SELENOI: variants seen among roughly 807,000 people sequenced by gnomAD.
The protein encoded by SELENOI is ethanolaminephosphotransferase 1.
Under a neutral mutation model 50.7 loss-of-function variants are expected in SELENOI, and 24 were observed. The observed-to-expected ratio is 0.47, with a 90% CI of 0.34 to 0.67. The LOEUF is 0.67. Ranked by LOEUF, SELENOI falls within the 30% of genes least tolerant of loss-of-function variation. The pLI, the probability that SELENOI is intolerant of heterozygous loss-of-function variation, is 0.01. For missense variants in SELENOI, 352 were observed against 461.4 expected, an observed-to-expected ratio of 0.76 and a Z score of 2.17; for synonymous variants, 155 against 170.2, an observed-to-expected ratio of 0.91 and a Z score of 0.70.
At chr2:26,348,510 C>G (rs1158488984) in intron 1 of SELENOI, among the ~76,000 whole-genome samples, 1 of 152,194 alleles carries the variant, frequency 6.6e-6, no homozygotes, top group Non-Finnish European at 1.5e-5. Flanking sequence ...AAGCAGGAAA[C>G]TATAAGACAA....
chr2:26,381,618 T>C (rs1658052027), intron 6 of SELENOI, among the ~76,000 whole-genome samples: 1 of 152,224 alleles, frequency 6.6e-6, no homozygotes, highest in African/African-American at 2.4e-5. Flanking sequence ...CATTAATTCA[T>C]TTAGCCTTGG....
intron 6 of SELENOI, among the ~76,000 whole-genome samples, chr2:26,375,385 C>A (rs1039360037): frequency 6.6e-6 from 1 of 152,150 alleles, no homozygotes; most frequent in African/African-American, 2.4e-5. Context: ...CAAAATAGAT[C>A]ACATAAGCCT....
At chr2:26,369,346 T>C (rs1677359167) in intron 4 of SELENOI, among the ~76,000 whole-genome samples, 1 of 152,214 alleles carries the variant, frequency 6.6e-6, no homozygotes, top group South Asian at 2.1e-4. Context: ...CATGTGGATA[T>C]CTCACTAACA....
chr2:26,346,311 C>A, intron 1 of SELENOI, 22 bp downstream of exon 1: 1 of 1,601,268 alleles, frequency 6.2e-7, no homozygotes, highest in Non-Finnish European at 8.5e-7. Flanking sequence ...CGGCGGATGC[C>A]CCTCTCCCTG....
chr2:26,357,328 G>A (rs1004535014), intron 1 of SELENOI, among the ~76,000 whole-genome samples: 3 of 152,060 alleles, frequency 2.0e-5, no homozygotes, highest in African/African-American at 7.2e-5. Context: ...CAGCTTAAAT[G>A]TCGCCTTCTA....
intron 6 of SELENOI, among the ~76,000 whole-genome samples, chr2:26,375,928 G>A (rs904924128): frequency 6.6e-6 from 1 of 151,982 alleles, no homozygotes; most frequent in Non-Finnish European, 1.5e-5. Flanking sequence ...GCAACATAGT[G>A]AAACCCTGTC....
At chr2:26,347,329 C>T (rs1049719527) in intron 1 of SELENOI, among the ~76,000 whole-genome samples, 2 of 151,992 alleles carry the variant, frequency 1.3e-5, no homozygotes, top group African/African-American at 4.8e-5. Flanking sequence ...TCTTGTGGAC[C>T]ATCATGGCTT....
In SELENOI at chr2:26,383,309, ATG is replaced by A; in HGVS notation, c.698_699del (p.Val233AspfsTer14). 1 of 1,537,786 alleles carries A rather than the reference ATG, an allele frequency of 6.5e-7. No homozygotes were observed. The highest frequency in any genetic ancestry group is 8.8e-7 in the Non-Finnish European group (1 of 1,131,858). On this transcript the variant is annotated frameshift_variant, in exon 7 of 10. Coordinates refer to ENST00000260585, the MANE Select transcript of SELENOI (RefSeq NM_033505.4). LOFTEE classifies it high-confidence loss of function. ...FTAMIIGCAL[C>X]VTLPMSLLNF... ...AATTATTCCCTTTAGGTTGTGCATTATGTGTGACTCTTCCAATGAGTTTATTA... is the reference window on the plus strand; with the variant it reads ...AATTATTCCCTTTAGGTTGTGCATTATGTGACTCTTCCAATGAGTTTATTA...
chr2:26,367,433 A>G (rs1404486120), intron 4 of SELENOI, among the ~76,000 whole-genome samples: 2 of 152,218 alleles, frequency 1.3e-5, no homozygotes, highest in African/African-American at 4.8e-5. Context: ...GAGTTGGTAA[A>G]CTACTACTTG....
At chr2:26,346,374 C>T in intron 1 of SELENOI, 85 bp downstream of exon 1, 3 of 1,425,148 alleles carry the variant, frequency 2.1e-6, no homozygotes, top group Non-Finnish European at 2.8e-6. Context: ...GTCCGTGTCA[C>T]CTTGTGCCGC....
intron 9 of SELENOI, among the ~76,000 whole-genome samples, chr2:26,388,067 TAAG>T (rs1378000795): frequency 6.6e-6 from 1 of 152,188 alleles, no homozygotes; most frequent in African/African-American, 2.4e-5. Flanking sequence ...ATACAATTGT[TAAG>T]GAGAAAAAAG....
At chr2:26,386,110 A>G (rs1220923221) in intron 8 of SELENOI, among the ~76,000 whole-genome samples, 1 of 152,038 alleles carries the variant, frequency 6.6e-6, no homozygotes, top group East Asian at 1.9e-4. Flanking sequence ...TGCCTTCTAT[A>G]GCATCCTTAT....
chr2:26,348,996 C>CTTTTTTTTTTTTTTTTT (rs869073468), intron 1 of SELENOI, among the ~76,000 whole-genome samples: 4 of 57,690 alleles, frequency 6.9e-5, no homozygotes, highest in Non-Finnish European at 1.1e-4. Context: ...TTTGGACAGG[C>CTTTTTTTTTTTTTTTTT]TTTTTTTTTT....
At chr2:26,350,478 C>A (rs6725613) in intron 1 of SELENOI, among the ~76,000 whole-genome samples, 59,853 of 151,950 alleles carry the variant, frequency 0.39, 13,241 homozygotes, top group Non-Finnish European at 0.51. Context: ...CTTGGCCTCA[C>A]AAAGTGCTGG....
In SELENOI at chr2:26,390,876, T is replaced by A. The variant is rs1358960804; in HGVS notation, c.*1773T>A. 2.0e-5 allele frequency: 3 copies of A among 152,208 alleles called. No homozygotes were observed. Among genetic ancestry groups the A allele is most frequent in the African/African-American group, 7.2e-5 (3 of 41,462 alleles). The allele number at this position is 152,208 out of a possible 1,614,324, so 9.4% of individuals were successfully genotyped here. On this transcript the variant is annotated 3_prime_UTR_variant, in exon 10 of 10. Transcript: ENST00000260585. ...CTATAAAATTAAACTGGATAAAATG[T>A]TAATTGGGGGTAGGGAAAAAGCTTT...
At position 26,364,891 on chromosome 2, in the gene SELENOI, A is replaced by T. The variant is rs777568550; in HGVS notation, c.186A>T (p.Val62=). 1.7e-5 allele frequency: 27 copies of T among 1,610,686 alleles called. No individual in the cohort carries two copies. The highest frequency in any genetic ancestry group is 2.3e-5 in the Non-Finnish European group (27 of 1,178,488). Reference sequence around the variant, plus strand: ...CTTTTTCTGGCTTTCTGCTGGTCGTATTCAATTTTCTGCTAATGGCATACT... The same window carrying T: ...CTTTTTCTGGCTTTCTGCTGGTCGTTTTCAATTTTCTGCTAATGGCATACT... ...LITFSGFLLV[V]FNFLLMAYFD... is the part of the protein sequence containing the mutation. Residue 62 remains valine, a synonymous_variant, in exon 3 of 10, where the codon GTA becomes GTT. Coordinates refer to ENST00000260585, the MANE Select transcript of SELENOI (RefSeq NM_033505.4).
chr2:26,372,919 C>T lies in SELENOI; in HGVS notation c.311-448C>T, dbSNP rs148041942. 2.7e-4 allele frequency among the ~76,000 whole-genome samples: 41 copies of T among 152,250 alleles called. No homozygotes were observed. The East Asian group carries it at 3.7e-3, about 14-fold the overall frequency. ...AAAATTTTTTTTAGAGGCAGGATCTCGCTCTGTTGCCCAGACTGGAATGCA... is the reference window on the plus strand; with the variant it reads ...AAAATTTTTTTTAGAGGCAGGATCTTGCTCTGTTGCCCAGACTGGAATGCA... On this transcript the variant is annotated intron_variant, in intron 4 of 9. Coordinates refer to ENST00000260585, the MANE Select transcript of SELENOI (RefSeq NM_033505.4).
At chr2:26,365,033 C>T (rs1677258761) in intron 3 of SELENOI, 93 bp downstream of exon 3, 1 of 945,088 alleles carries the variant, frequency 1.1e-6, no homozygotes, top group African/African-American at 1.7e-5. Context: ...GTTCATATTT[C>T]TAAAAAATTT....
Position 26,395,634 on chromosome 2 carries a change from A to G in SELENOI, c.*6531A>G, listed in dbSNP as rs1241534184. ...AGATAATGTGATGTACAAAGAGAGT[A>G]TGCCGATGCATTTCATTGTTTTTGC... is the stretch of plus-strand genomic sequence containing the variant. On this transcript the variant is annotated 3_prime_UTR_variant, in exon 10 of 10. Transcript: ENST00000260585. The G allele has an allele frequency of 6.6e-6, 1 of 152,640 alleles. No homozygotes were observed. The allele number at this position is 152,640 out of a possible 1,614,324, so 9.5% of individuals were successfully genotyped here. A position where few individuals can be genotyped will look rare whatever the true frequency, so the allele number is the denominator to read the frequency against.
Sources: allele counts gnomAD v4.1 joint callset (sites outside exome capture counted in the v4.1 genomes callset), GRCh38; gene constraint gnomAD v4.1.1; transcripts MANE v1.5; gene names NCBI Gene and HGNC (gene_info 2026-07-23, HGNC 2026-07-21).